GABRA3: variants seen among roughly 807,000 people sequenced by gnomAD.
GABRA3 encodes the protein gamma-aminobutyric acid type A receptor subunit alpha3.
GABRA3 carries 10 observed loss-of-function variants against 30.1 expected under a neutral mutation model. The ratio of observed to expected loss-of-function variants is 0.33; its 90% CI spans 0.20 to 0.56. The LOEUF (loss-of-function observed/expected upper bound fraction) is 0.56, where lower values mean the gene tolerates loss of function less well. Among genes scored for constraint, GABRA3 ranks in the 20% least tolerant of loss-of-function variants. The pLI is 0.89. For synonymous variants in GABRA3, 151 were observed against 146.8 expected (o/e 1.03, Z -0.21); for missense variants, 233 against 392.0 (o/e 0.59, Z 3.42).
chrX:152,407,085 A>G (rs1294015898), intron 1 of GABRA3, among the ~76,000 whole-genome samples: 1 of 112,024 alleles, frequency 8.9e-6, no homozygotes, highest in Non-Finnish European at 1.9e-5. Context: ...CTATGGGGCA[A>G]TACAAAGAAG....
chrX:152,223,942 T>A (rs1281756156), intron 6 of GABRA3, among the ~76,000 whole-genome samples: 1 of 111,675 alleles, frequency 9.0e-6, no homozygotes, highest in Admixed American at 9.6e-5. Context: ...GCTTTTGTTT[T>A]ATTCACGGAT....
intron 9 of GABRA3, among the ~76,000 whole-genome samples, chrX:152,188,097 G>T (rs549778770): frequency 6.3e-5 from 7 of 111,281 alleles, no homozygotes; most frequent in African/African-American, 2.3e-4. Context: ...GTGGGGGGAA[G>T]AAGGAGGGAG....
intron 9 of GABRA3, among the ~76,000 whole-genome samples, chrX:152,172,092 A>G (rs1255660200): frequency 8.9e-6 from 1 of 111,868 alleles, no homozygotes; most frequent in South Asian, 3.7e-4. Context: ...TGGGACTCAA[A>G]GATGAATAAA....
chrX:152,192,710 A>AT (rs1937339353), intron 8 of GABRA3, among the ~76,000 whole-genome samples: 1 of 111,432 alleles, frequency 9.0e-6, no homozygotes, highest in Admixed American at 9.6e-5. Context: ...CACATTTCAT[A>AT]TATCTGTTTA....
At chrX:152,431,537 A>G (rs1292338593) in intron 1 of GABRA3, among the ~76,000 whole-genome samples, 5 of 112,057 alleles carry the variant, frequency 4.5e-5, no homozygotes, top group African/African-American at 1.6e-4. Context: ...ATGGCCTTCC[A>G]AAGATGTGAA....
At chrX:152,300,477 T>TA (rs1401483746) in intron 3 of GABRA3, among the ~76,000 whole-genome samples, 6 of 111,868 alleles carry the variant, frequency 5.4e-5, no homozygotes, top group Non-Finnish European at 9.4e-5. Flanking sequence ...ATGCCCTAGA[T>TA]AAAATCCAGC....
At chrX:152,353,554 G>A (rs1265234586) in intron 2 of GABRA3, among the ~76,000 whole-genome samples, 1 of 111,691 alleles carries the variant, frequency 9.0e-6, no homozygotes, top group Non-Finnish European at 1.9e-5. Flanking sequence ...GGTTAAGCAG[G>A]TATTAATAGG....
intron 3 of GABRA3, among the ~76,000 whole-genome samples, chrX:152,328,629 G>A (rs1017110236): frequency 2.7e-5 from 3 of 111,592 alleles, no homozygotes; most frequent in East Asian, 2.8e-4. Flanking sequence ...TGCAGAAAAC[G>A]CCTTTGACAA....
intron 4 of GABRA3, among the ~76,000 whole-genome samples, chrX:152,263,413 G>A (rs1487679714): frequency 9.1e-6 from 1 of 110,161 alleles, no homozygotes; most frequent in East Asian, 2.9e-4. Flanking sequence ...TTCTCGAACT[G>A]AAAAATGCAA....
intron 9 of GABRA3, among the ~76,000 whole-genome samples, chrX:152,183,697 C>G (rs757806877): frequency 9.0e-6 from 1 of 111,113 alleles, no homozygotes; most frequent in South Asian, 3.8e-4. Context: ...ATTGCTATAA[C>G]CTTCCTTCTT....
At chrX:152,176,275 A>G (rs1319970537) in intron 9 of GABRA3, among the ~76,000 whole-genome samples, 1 of 110,445 alleles carries the variant, frequency 9.1e-6, no homozygotes, top group African/African-American at 3.3e-5. Flanking sequence ...AAGCCATTAA[A>G]CTATTTGGAG....
At chrX:152,290,669 C>G (rs771044920) in intron 3 of GABRA3, among the ~76,000 whole-genome samples, 1 of 111,724 alleles carries the variant, frequency 9.0e-6, no homozygotes, top group East Asian at 2.8e-4. Flanking sequence ...ATTCTTTATT[C>G]AATCTTGAAT....
intron 1 of GABRA3, among the ~76,000 whole-genome samples, chrX:152,426,213 G>A (rs1413508186): frequency 9.0e-6 from 1 of 111,259 alleles, no homozygotes; most frequent in East Asian, 2.8e-4. Flanking sequence ...TCAAATCCCA[G>A]ATCAGAATAA....
At chrX:152,287,372 G>A (rs1307971961) in intron 3 of GABRA3, among the ~76,000 whole-genome samples, 1 of 110,650 alleles carries the variant, frequency 9.0e-6, no homozygotes, top group Admixed American at 9.7e-5. Flanking sequence ...ACCAGGTGGT[G>A]GTAATTAAAT....
At chrX:152,300,760 G>A (rs1392053443) in intron 3 of GABRA3, among the ~76,000 whole-genome samples, 1 of 111,983 alleles carries the variant, frequency 8.9e-6, no homozygotes, top group East Asian at 2.8e-4. Context: ...TTATCTGGGC[G>A]ATCTCAATAG....
intron 3 of GABRA3, among the ~76,000 whole-genome samples, chrX:152,285,181 T>C (rs1187536544): frequency 8.9e-6 from 1 of 112,086 alleles, no homozygotes; most frequent in Admixed American, 9.5e-5. Context: ...TATGTGTCTC[T>C]CATGGCTGGA....
At chrX:152,320,382 A>G (rs1358798894) in intron 3 of GABRA3, among the ~76,000 whole-genome samples, 1 of 112,116 alleles carries the variant, frequency 8.9e-6, no homozygotes, top group Non-Finnish European at 1.9e-5. Context: ...ACTATGGAAT[A>G]CTACTCAGCC....
At chrX:152,411,202 C>G (rs989671263) in intron 1 of GABRA3, among the ~76,000 whole-genome samples, 1 of 110,549 alleles carries the variant, frequency 9.0e-6, no homozygotes, top group Non-Finnish European at 1.9e-5. Context: ...GTAGTCCCAG[C>G]TACTTGGGAG....
At chrX:152,229,777 G>A (rs1408598603) in intron 5 of GABRA3, among the ~76,000 whole-genome samples, 3 of 110,785 alleles carry the variant, frequency 2.7e-5, no homozygotes, top group Non-Finnish European at 5.7e-5. Flanking sequence ...GAGGCACTGT[G>A]GGATTTTAAG....
Sources: gnomAD v4.1 joint callset for allele counts (sites outside exome capture counted in the v4.1 genomes callset) on GRCh38, gnomAD v4.1.1 for gene constraint, MANE v1.5 for transcripts, NCBI Gene and HGNC (gene_info 2026-07-23, HGNC 2026-07-21) for gene names.